The following CDK15 variants were observed in gnomAD, a reference collection of about 807,000 sequenced individuals.
The protein encoded by CDK15 is cyclin-dependent kinase 15.
Under a neutral mutation model 60.3 loss-of-function variants are expected in CDK15, and 62 were observed. That is an observed-to-expected ratio of 1.03 (90% confidence interval 0.84 to 1.27). The LOEUF (loss-of-function observed/expected upper bound fraction) is 1.27. Ranked by LOEUF, CDK15 falls within the 50% of genes most tolerant of loss-of-function variation. The pLI is 0.00. For missense variants in CDK15, 541 were observed against 527.8 expected, an observed-to-expected ratio of 1.03 and a Z score of -0.25; for synonymous variants, 194 against 195.7, an observed-to-expected ratio of 0.99 and a Z score of 0.07.
chr2:201,892,171 T>C (rs1699660775), intron 13 of CDK15, among the ~76,000 whole-genome samples: 1 of 152,224 alleles, frequency 6.6e-6, no homozygotes. Flanking sequence ...ACAATATACA[T>C]TTAGAATTAC....
chr2:201,830,930 A>C (rs188005181), intron 6 of CDK15, among the ~76,000 whole-genome samples: 1 of 152,336 alleles, frequency 6.6e-6, no homozygotes, highest in Admixed American at 6.5e-5. Flanking sequence ...AGTGAGCTCA[A>C]GGTCTCATTT....
chr2:201,808,098 ATAACT>A lies in CDK15; in HGVS notation c.368+150_368+154del, dbSNP rs1004949388. 9 of 612,812 alleles carry A rather than the reference ATAACT, an allele frequency of 1.5e-5. No individual in the cohort carries two copies. In the African/African-American group the frequency reaches 1.7e-4, roughly 11 times the overall value. 38.0% of individuals were successfully genotyped at this position (612,812 alleles called of 1,614,324 possible). A position where few individuals can be genotyped will look rare whatever the true frequency, so the allele number is the denominator to read the frequency against. ...CATGGCCGACAGGGAGAGAGACATGATAACTTAAACAGCCTTGAAAGAAAAACAAA... is the reference window on the plus strand; with the variant it reads ...CATGGCCGACAGGGAGAGAGACATGATAAACAGCCTTGAAAGAAAAACAAA... On this transcript the variant is annotated intron_variant, in intron 3 of 13. Coordinates refer to ENST00000652192, the MANE Select transcript of CDK15 (RefSeq NM_001366386.2).
At chr2:201,861,553 T>TG in intron 10 of CDK15, 1 of 893,128 alleles carries the variant, frequency 1.1e-6, no homozygotes. Flanking sequence ...GTTGGTTTGT[T>TG]TTTTTTTTTT....
intron 12 of CDK15, among the ~76,000 whole-genome samples, chr2:201,881,630 A>G (rs1252602978): frequency 1.3e-5 from 2 of 152,344 alleles, no homozygotes; most frequent in South Asian, 2.1e-4. Flanking sequence ...GAGATGGATT[A>G]GACTGGAGGT....
At chr2:201,859,335 C>T (rs1172492839) in intron 10 of CDK15, among the ~76,000 whole-genome samples, 1 of 152,090 alleles carries the variant, frequency 6.6e-6, no homozygotes, top group Non-Finnish European at 1.5e-5. Flanking sequence ...ATTCAAATGG[C>T]GAACCTCTAG....
intron 8 of CDK15, among the ~76,000 whole-genome samples, chr2:201,837,277 G>A (rs1190740347): frequency 6.9e-6 from 1 of 144,304 alleles, no homozygotes; most frequent in Non-Finnish European, 1.5e-5. Context: ...TACAGAGCGA[G>A]ACCCCGTCTG....
intron 11 of CDK15, among the ~76,000 whole-genome samples, chr2:201,873,198 A>G (rs1172113299): frequency 6.6e-6 from 1 of 152,218 alleles, no homozygotes; most frequent in African/African-American, 2.4e-5. Context: ...GTAGAATAAA[A>G]TATCAGGGTA....
intron 11 of CDK15, among the ~76,000 whole-genome samples, chr2:201,877,367 G>A (rs980704942): frequency 8.5e-5 from 13 of 152,144 alleles, no homozygotes; most frequent in African/African-American, 2.9e-4. Flanking sequence ...TGATTGGGGT[G>A]GGACTGTGGA....
At chr2:201,859,719 G>A (rs1339026883) in intron 10 of CDK15, among the ~76,000 whole-genome samples, 1 of 152,074 alleles carries the variant, frequency 6.6e-6, no homozygotes, top group South Asian at 2.1e-4. Context: ...CATCTGAAGG[G>A]TATTAAAAAT....
chr2:201,890,388 T>C (rs1699602231), intron 12 of CDK15, among the ~76,000 whole-genome samples: 1 of 152,242 alleles, frequency 6.6e-6, no homozygotes, highest in Admixed American at 6.5e-5. Context: ...ATAGTAATCC[T>C]TCAAGTCTCA....
intron 12 of CDK15, among the ~76,000 whole-genome samples, chr2:201,890,391 A>C (rs1409960834): frequency 6.6e-6 from 1 of 152,162 alleles, no homozygotes; most frequent in Non-Finnish European, 1.5e-5. Context: ...GTAATCCTTC[A>C]AGTCTCAAAG....
chr2:201,817,802 G>A (rs1317136703), intron 4 of CDK15, among the ~76,000 whole-genome samples: 7 of 152,156 alleles, frequency 4.6e-5, no homozygotes, highest in Non-Finnish European at 7.3e-5. Context: ...GCATAGTTAC[G>A]TCTTTATAAA....
At position 201,833,884 on chromosome 2, in the gene CDK15, A is replaced by G; in HGVS notation, c.643A>G (p.Ile215Val). ...MFQLLRGLAY[I>V]HHQHVLHRDL... The stretch of plus-strand genomic sequence containing the variant: ...TCAACTTTTGCGGGGCCTGGCGTAC[A>G]TCCACCACCAACACGTTCTTCACAG... Residue 215 changes from isoleucine to valine, a missense_variant, in exon 7 of 14, where the codon ATC becomes GTC. Transcript: ENST00000652192. The G allele has an allele frequency of 6.2e-7, 1 of 1,613,950 alleles. No homozygotes were observed. Among genetic ancestry groups the G allele is most frequent in the Non-Finnish European group, 8.5e-7 (1 of 1,179,990 alleles).
chr2:201,831,947 A>AT (rs2105734571), intron 6 of CDK15, among the ~76,000 whole-genome samples: 1 of 152,294 alleles, frequency 6.6e-6, no homozygotes, highest in African/African-American at 2.4e-5. Context: ...GAGGATAAGC[A>AT]TGCTATCCCA....
At chr2:201,869,571 G>A (rs1035126632) in intron 10 of CDK15, among the ~76,000 whole-genome samples, 4 of 151,676 alleles carry the variant, frequency 2.6e-5, no homozygotes, top group African/African-American at 9.7e-5. Context: ...AAAAAAGAAA[G>A]AAAACTGAGG....
chr2:201,869,768 T>C (rs1038286038), intron 10 of CDK15, among the ~76,000 whole-genome samples: 1 of 151,876 alleles, frequency 6.6e-6, no homozygotes. Flanking sequence ...AAGGGAAAAA[T>C]AGAAAATGGG....
intron 10 of CDK15, among the ~76,000 whole-genome samples, chr2:201,858,418 T>C (rs1206550709): frequency 1.4e-5 from 2 of 139,448 alleles, no homozygotes; most frequent in Admixed American, 1.4e-4. Flanking sequence ...CCTTCTTTCC[T>C]TCCTTCTCTC....
chr2:201,890,403 G>A (rs1699603015), intron 12 of CDK15, among the ~76,000 whole-genome samples: 1 of 152,198 alleles, frequency 6.6e-6, no homozygotes, highest in African/African-American at 2.4e-5. Flanking sequence ...GTCTCAAAGG[G>A]CACCTTGTCT....
At chr2:201,866,560 C>G (rs1698641341) in intron 10 of CDK15, among the ~76,000 whole-genome samples, 1 of 152,076 alleles carries the variant, frequency 6.6e-6, no homozygotes, top group Non-Finnish European at 1.5e-5. Flanking sequence ...AATGAGAACT[C>G]TTTTTAGAGA....
Sources: allele counts gnomAD v4.1 joint callset (sites outside exome capture counted in the v4.1 genomes callset), GRCh38; gene constraint gnomAD v4.1.1; transcripts MANE v1.5; gene names NCBI Gene and HGNC (gene_info 2026-07-23, HGNC 2026-07-21).